RBFOX1: variants seen among roughly 807,000 people sequenced by gnomAD.
RBFOX1 encodes RNA binding fox-1 homolog 1, also known as RNA binding protein fox-1 homolog 1.
Under a neutral mutation model 57.7 loss-of-function variants are expected in RBFOX1, and 8 were observed. That is an observed-to-expected ratio of 0.14 (90% CI 0.08 to 0.25). RBFOX1 has a LOEUF of 0.25. Among genes scored for constraint, RBFOX1 ranks in the 10% least tolerant of loss-of-function variants. The pLI, the probability that RBFOX1 is intolerant of heterozygous loss-of-function variation, is 1.00. For missense variants in RBFOX1, 611 were observed against 548.5 expected (o/e 1.11, Z -1.14); for synonymous variants, 326 against 222.4 (o/e 1.47, Z -4.15).
At chr16:6,083,921 C>G (rs548057996) in intron 1 of RBFOX1, among the ~76,000 whole-genome samples, 1 of 152,262 alleles carries the variant, frequency 6.6e-6, no homozygotes, top group East Asian at 1.9e-4. Context: ...GAGGATGGGT[C>G]AAGAAGAAGT....
chr16:6,974,608 G>A (rs1025935181), intron 3 of RBFOX1, among the ~76,000 whole-genome samples: 1 of 151,964 alleles, frequency 6.6e-6, no homozygotes, highest in Admixed American at 6.6e-5. Context: ...GCCTCCCAAA[G>A]TGCTGGGATT....
chr16:5,435,259 T>C (rs932055858), intron 1 of RBFOX1, among the ~76,000 whole-genome samples: 4 of 152,196 alleles, frequency 2.6e-5, no homozygotes, highest in African/African-American at 9.6e-5. Context: ...TAAACTGATA[T>C]GTGCAAACAG....
At chr16:6,833,356 A>C (rs1358348192) in intron 3 of RBFOX1, among the ~76,000 whole-genome samples, 1 of 139,242 alleles carries the variant, frequency 7.2e-6, no homozygotes, top group East Asian at 3.1e-4. Context: ...TAGTAGAGAC[A>C]GGGTTTCACC....
At chr16:6,950,869 C>G (rs995182531) in intron 3 of RBFOX1, among the ~76,000 whole-genome samples, 1 of 151,314 alleles carries the variant, frequency 6.6e-6, no homozygotes, top group Non-Finnish European at 1.5e-5. Context: ...GTTTTTGTCT[C>G]TCTTTCTCTC....
chr16:6,663,643 G>C (rs1281320768), intron 3 of RBFOX1, among the ~76,000 whole-genome samples: 1 of 152,236 alleles, frequency 6.6e-6, no homozygotes, highest in Non-Finnish European at 1.5e-5. Flanking sequence ...GAGACTCACA[G>C]AGTCCCCTGG....
At chr16:5,591,559 G>T (rs2047008499) in intron 2 of RBFOX1, among the ~76,000 whole-genome samples, 1 of 152,050 alleles carries the variant, frequency 6.6e-6, no homozygotes, top group African/African-American at 2.4e-5. Flanking sequence ...TCCAAAATGA[G>T]CCTTTTAAAA....
chr16:6,508,463 T>C (rs1469909104), intron 2 of RBFOX1, among the ~76,000 whole-genome samples: 1 of 151,990 alleles, frequency 6.6e-6, no homozygotes, highest in Non-Finnish European at 1.5e-5. Context: ...TAAAAAAAAA[T>C]TCAAAAAACC....
chr16:5,885,734 A>G (rs1450974892), intron 4 of RBFOX1, among the ~76,000 whole-genome samples: 1 of 152,196 alleles, frequency 6.6e-6, no homozygotes, highest in Non-Finnish European at 1.5e-5. Flanking sequence ...GTTTAGAGGC[A>G]GGAAGTGATT....
intron 4 of RBFOX1, among the ~76,000 whole-genome samples, chr16:7,073,950 G>A (rs1223738182): frequency 6.6e-6 from 1 of 152,130 alleles, no homozygotes; most frequent in Non-Finnish European, 1.5e-5. Context: ...CACAGTTTAT[G>A]AGACAGCTCC....
chr16:6,886,841 C>A (rs957003203), intron 3 of RBFOX1, among the ~76,000 whole-genome samples: 1 of 151,770 alleles, frequency 6.6e-6, no homozygotes, highest in Non-Finnish European at 1.5e-5. Flanking sequence ...GCTTTAGAAT[C>A]AGTGAAATAT....
chr16:6,877,987 A>C (rs1413650987), intron 3 of RBFOX1, among the ~76,000 whole-genome samples: 1 of 152,160 alleles, frequency 6.6e-6, no homozygotes, highest in East Asian at 1.9e-4. Context: ...GAGCCGAGTC[A>C]TTGTGCTTAA....
chr16:6,307,704 GTTAT>G (rs1480009963), intron 1 of RBFOX1, among the ~76,000 whole-genome samples: 2 of 145,968 alleles, frequency 1.4e-5, no homozygotes, highest in African/African-American at 4.9e-5. Flanking sequence ...AATCATTTAT[GTTAT>G]TTATATATTT....
intron 4 of RBFOX1, among the ~76,000 whole-genome samples, chr16:7,437,219 T>A (rs1022790906): frequency 6.6e-6 from 1 of 151,334 alleles, no homozygotes; most frequent in East Asian, 2.0e-4. Flanking sequence ...AAACATACTA[T>A]CCTCAACTGT....
chr16:6,306,329 T>C (rs1390166618), intron 1 of RBFOX1, among the ~76,000 whole-genome samples: 1 of 152,150 alleles, frequency 6.6e-6, no homozygotes, highest in Non-Finnish European at 1.5e-5. Flanking sequence ...GGGATCTCCT[T>C]TCCCTTCAAG....
intron 3 of RBFOX1, among the ~76,000 whole-genome samples, chr16:7,005,513 T>C (rs1568333004): frequency 6.6e-6 from 1 of 152,054 alleles, no homozygotes; most frequent in Non-Finnish European, 1.5e-5. Context: ...AACGAGAAAA[T>C]TGGTACAATG....
At chr16:6,260,569 A>G (rs536608696) in intron 1 of RBFOX1, among the ~76,000 whole-genome samples, 1 of 152,278 alleles carries the variant, frequency 6.6e-6, no homozygotes, top group Non-Finnish European at 1.5e-5. Flanking sequence ...ATTAAGATAT[A>G]TATAAAGAAG....
chr16:7,464,446 T>C (rs1217566241), intron 4 of RBFOX1, among the ~76,000 whole-genome samples: 1 of 151,772 alleles, frequency 6.6e-6, no homozygotes, highest in Non-Finnish European at 1.5e-5. Context: ...TTCTGCAAAA[T>C]GGATCAGGAG....
intron 3 of RBFOX1, among the ~76,000 whole-genome samples, chr16:6,930,696 C>A (rs2076360605): frequency 6.6e-6 from 1 of 152,112 alleles, no homozygotes; most frequent in African/African-American, 2.4e-5. Flanking sequence ...AGGTGTTAGC[C>A]CCTGTGCCTG....
At chr16:7,401,319 C>T (rs1490663197) in intron 4 of RBFOX1, among the ~76,000 whole-genome samples, 1 of 152,128 alleles carries the variant, frequency 6.6e-6, no homozygotes. Context: ...ATCTGAATTA[C>T]ATTGCTTCTT....
Sources: gnomAD v4.1 joint callset for allele counts (sites outside exome capture counted in the v4.1 genomes callset) on GRCh38, gnomAD v4.1.1 for gene constraint, MANE v1.5 for transcripts, NCBI Gene and HGNC (gene_info 2026-07-23, HGNC 2026-07-21) for gene names.